Variants in SDK1 observed in about 807,000 individuals in gnomAD.
SDK1 encodes the protein protein sidekick-1.
SDK1 carries 157 observed loss-of-function variants against 245.5 expected under a neutral mutation model. That is an observed-to-expected ratio of 0.64 (90% CI 0.56 to 0.73). The LOEUF (loss-of-function observed/expected upper bound fraction) is 0.73, where lower values mean the gene tolerates loss of function less well. SDK1 is among the 30% of genes least tolerant of loss of function. The pLI is 0.00. For synonymous variants in SDK1, 1,647 were observed against 1,278.5 expected, an observed-to-expected ratio of 1.29 and a Z score of -6.15; for missense variants, 3,583 against 3,002.3, an observed-to-expected ratio of 1.19 and a Z score of -4.52.
intron 35 of SDK1, among the ~76,000 whole-genome samples, chr7:4,195,276 A>G (rs1040519005): frequency 2.6e-5 from 4 of 152,172 alleles, no homozygotes; most frequent in African/African-American, 9.7e-5. Context: ...TAGTCACGCG[A>G]TGCGCTGCTT....
chr7:4,193,345 A>G (rs1483998889), intron 35 of SDK1, among the ~76,000 whole-genome samples: 1 of 120,822 alleles, frequency 8.3e-6, no homozygotes, highest in African/African-American at 3.4e-5. Context: ...ATTAATTTAT[A>G]TAATATATTT....
intron 4 of SDK1, among the ~76,000 whole-genome samples, chr7:3,723,857 T>C (rs13235715): frequency 0.23 from 29,791 of 128,480 alleles, 4,359 homozygotes; most frequent in Non-Finnish European, 0.3. Context: ...TACATATACA[T>C]ATACACGTGT....
chr7:3,940,477 ATCT>A (rs1297160224), intron 5 of SDK1, among the ~76,000 whole-genome samples: 6 of 152,144 alleles, frequency 3.9e-5, no homozygotes, highest in South Asian at 2.1e-4. Context: ...GTTTTATGGC[ATCT>A]TCTTCTTCCT....
intron 38 of SDK1, among the ~76,000 whole-genome samples, chr7:4,216,864 G>A (rs1784825392): frequency 6.6e-6 from 1 of 152,154 alleles, no homozygotes; most frequent in Non-Finnish European, 1.5e-5. Flanking sequence ...CACAGTCGTG[G>A]CTCATCCTGT....
chr7:3,524,682 T>C (rs1783061309), intron 1 of SDK1, among the ~76,000 whole-genome samples: 1 of 152,180 alleles, frequency 6.6e-6, no homozygotes, highest in African/African-American at 2.4e-5. Context: ...GCATGTTTGA[T>C]AGTCAACGTT....
rs549770386 is a variant in SDK1, at chr7:3,561,072, C to A, written c.299-58008C>A. ...GTGAGGATATTGAATTTCTTTCCTT[C>A]CCTTCCCCCTTCCCCACCCCTAGTG... is the stretch of plus-strand genomic sequence containing the variant. On this transcript the variant is annotated intron_variant, in intron 1 of 44. Coordinates refer to ENST00000404826, the MANE Select transcript of SDK1 (RefSeq NM_152744.4). Among the ~76,000 whole-genome samples, 3 of 152,226 alleles carry A rather than the reference C, an allele frequency of 2.0e-5. 1 individual carries two copies. The highest frequency in any genetic ancestry group is 4.2e-4 in the South Asian group (2 of 4,814).
chr7:3,857,691 A>AC (rs1007007202), intron 5 of SDK1, among the ~76,000 whole-genome samples: 10 of 151,952 alleles, frequency 6.6e-5, no homozygotes, highest in Admixed American at 6.6e-4. Flanking sequence ...TGTCTCAAAA[A>AC]AAAAAAATGA....
chr7:4,039,595 A>C (rs961028999), intron 17 of SDK1, among the ~76,000 whole-genome samples: 1 of 152,254 alleles, frequency 6.6e-6, no homozygotes, highest in African/African-American at 2.4e-5. Flanking sequence ...GGACAATTAA[A>C]GTTCTGAAAA....
intron 1 of SDK1, among the ~76,000 whole-genome samples, chr7:3,532,804 C>T (rs1293117150): frequency 6.6e-6 from 1 of 152,160 alleles, no homozygotes; most frequent in Non-Finnish European, 1.5e-5. Context: ...CCTATGCAGC[C>T]TCTAGCATCT....
intron 5 of SDK1, among the ~76,000 whole-genome samples, chr7:3,855,864 A>G (rs1780532950): frequency 6.6e-6 from 1 of 152,230 alleles, no homozygotes; most frequent in African/African-American, 2.4e-5. Context: ...GTCAAAATGA[A>G]GTGAAGACTA....
chr7:4,045,919 A>G (rs1417799341), intron 17 of SDK1, among the ~76,000 whole-genome samples: 11 of 151,958 alleles, frequency 7.2e-5, no homozygotes, highest in Admixed American at 5.9e-4. Flanking sequence ...TTGAATTTTG[A>G]AAATTCTTTT....
At chr7:4,239,925 C>T (rs978495912) in intron 42 of SDK1, among the ~76,000 whole-genome samples, 3 of 152,198 alleles carry the variant, frequency 2.0e-5, no homozygotes, top group African/African-American at 7.2e-5. Flanking sequence ...TGACCCCGAC[C>T]ACAAGTCCTA....
chr7:4,114,366 C>T (rs1783557257), intron 25 of SDK1, 92 bp downstream of exon 25: 1 of 988,134 alleles, frequency 1.0e-6, no homozygotes, highest in Non-Finnish European at 1.5e-6. Flanking sequence ...AGTGGCGTCT[C>T]ATTGGCCTGT....
chr7:4,003,750 C>T (rs984235941), intron 14 of SDK1, among the ~76,000 whole-genome samples: 1 of 152,232 alleles, frequency 6.6e-6, no homozygotes. Flanking sequence ...CTCAGCAGCA[C>T]CTGTCTTGAG....
intron 25 of SDK1, among the ~76,000 whole-genome samples, chr7:4,118,600 CAT>C (rs1783867485): frequency 6.7e-6 from 1 of 150,046 alleles, no homozygotes; most frequent in Admixed American, 6.6e-5. Flanking sequence ...GAGCAGAAAA[CAT>C]ATGTCTACAC....
At chr7:4,095,461 A>G (rs1166190900) in intron 22 of SDK1, among the ~76,000 whole-genome samples, 5 of 152,228 alleles carry the variant, frequency 3.3e-5, no homozygotes, top group Admixed American at 2.6e-4. Context: ...TTTAGTTTCT[A>G]TTGGGAACCA....
rs765996731 is a variant in SDK1, at chr7:3,971,472, C to G, written c.1721C>G (p.Thr574Arg). Residue 574 changes from threonine (T) to arginine (R), a missense_variant, in exon 12 of 45, where the codon ACG becomes AGG. Coordinates refer to ENST00000404826, the MANE Select transcript of SDK1 (RefSeq NM_152744.4). ...ASATLTVWNR[T>R]SIVHPPEDHV... ...TGACTTGTGTTTTTTTCAGATCGGA[C>G]GTCCATCGTCCACCCTCCTGAGGAC... is the stretch of plus-strand genomic sequence containing the variant. The G allele has an allele frequency of 6.2e-7, 1 of 1,610,310 alleles. No homozygotes were observed.
At chr7:3,797,538 A>T (rs1042134908) in intron 4 of SDK1, among the ~76,000 whole-genome samples, 3 of 151,956 alleles carry the variant, frequency 2.0e-5, no homozygotes, top group African/African-American at 7.3e-5. Flanking sequence ...CATATTTTAT[A>T]TGCTTTACTC....
At chr7:3,350,861 A>T (rs971440749) in intron 1 of SDK1, among the ~76,000 whole-genome samples, 7 of 152,168 alleles carry the variant, frequency 4.6e-5, no homozygotes, top group African/African-American at 1.7e-4. Context: ...TCCCCCCATT[A>T]AAAGTAGAAT....
Sources: gnomAD v4.1 joint callset for allele counts (sites outside exome capture counted in the v4.1 genomes callset) on GRCh38, gnomAD v4.1.1 for gene constraint, MANE v1.5 for transcripts, NCBI Gene and HGNC (gene_info 2026-07-23, HGNC 2026-07-21) for gene names.